FAM168A: variants seen among roughly 807,000 people sequenced by gnomAD.
The protein encoded by FAM168A is protein FAM168A.
Under a neutral mutation model 28.5 loss-of-function variants are expected in FAM168A, and 3 were observed. The observed-to-expected ratio is 0.11, with a 90% CI of 0.05 to 0.27. FAM168A has a LOEUF of 0.27. Ranked by LOEUF, FAM168A falls within the 10% of genes least tolerant of loss-of-function variation. The pLI, the probability that FAM168A is intolerant of heterozygous loss-of-function variation, is 1.00. For synonymous variants in FAM168A, 122 were observed against 124.2 expected (o/e 0.98, Z 0.12); for missense variants, 222 against 311.5 (o/e 0.71, Z 2.16).
chr11:73,428,439 T>C (rs1381774660), intron 3 of FAM168A, among the ~76,000 whole-genome samples: 1 of 152,254 alleles, frequency 6.6e-6, no homozygotes, highest in Non-Finnish European at 1.5e-5. Context: ...CTCTGGTTTC[T>C]AGCCTCACCA....
chr11:73,582,726 T>G (rs75137149), intron 1 of FAM168A, among the ~76,000 whole-genome samples: 11,053 of 152,236 alleles, frequency 0.073, 1,200 homozygotes, highest in African/African-American at 0.23. Context: ...GAGGAAACTT[T>G]GAAGCAGAAA....
At chr11:73,437,886 A>G (rs1867120445) in intron 2 of FAM168A, among the ~76,000 whole-genome samples, 1 of 152,202 alleles carries the variant, frequency 6.6e-6, no homozygotes, top group Admixed American at 6.5e-5. Flanking sequence ...CAACAGACCC[A>G]GTTCCTTCAA....
intron 1 of FAM168A, among the ~76,000 whole-genome samples, chr11:73,471,784 CT>C (rs1867817457): frequency 6.6e-6 from 1 of 152,154 alleles, no homozygotes; most frequent in South Asian, 2.1e-4. Context: ...AAAATTTCTG[CT>C]TACATGCTAG....
chr11:73,594,738 A>G (rs1435703624), intron 1 of FAM168A, among the ~76,000 whole-genome samples: 1 of 152,124 alleles, frequency 6.6e-6, no homozygotes, highest in African/African-American at 2.4e-5. Context: ...CATGTTGGCC[A>G]GGCTGATCTC....
intron 1 of FAM168A, among the ~76,000 whole-genome samples, chr11:73,547,468 GAAAA>G (rs1266878472): frequency 6.6e-6 from 1 of 151,990 alleles, no homozygotes; most frequent in Non-Finnish European, 1.5e-5. Flanking sequence ...AGTAACAAAA[GAAAA>G]AGAAAGAAAA....
At chr11:73,516,016 G>A (rs941852337) in intron 1 of FAM168A, among the ~76,000 whole-genome samples, 4 of 151,332 alleles carry the variant, frequency 2.6e-5, no homozygotes, top group East Asian at 3.9e-4. Context: ...CAGGAGAATC[G>A]CTTGAACCCA....
chr11:73,515,145 A>G (rs1044898496), intron 1 of FAM168A, among the ~76,000 whole-genome samples: 2 of 152,168 alleles, frequency 1.3e-5, no homozygotes, highest in African/African-American at 4.8e-5. Context: ...AGTGCCTAAG[A>G]TTCCTTCATT....
intron 2 of FAM168A, among the ~76,000 whole-genome samples, chr11:73,433,482 C>T (rs983635932): frequency 1.3e-5 from 2 of 151,686 alleles, no homozygotes; most frequent in African/African-American, 2.4e-5. Flanking sequence ...GAAGATTGAC[C>T]CTTACGTTTT....
At chr11:73,595,024 T>C (rs551839523) in intron 1 of FAM168A, among the ~76,000 whole-genome samples, 2 of 152,138 alleles carry the variant, frequency 1.3e-5, no homozygotes, top group East Asian at 3.9e-4. Context: ...CAAAAACACA[T>C]TACTACTACA....
intron 1 of FAM168A, among the ~76,000 whole-genome samples, chr11:73,571,100 CT>C (rs1293358946): frequency 6.6e-6 from 1 of 152,112 alleles, no homozygotes; most frequent in African/African-American, 2.4e-5. Context: ...TGACATCCCC[CT>C]GGAAAAAAAT....
At chr11:73,464,335 G>A (rs1442413338) in intron 2 of FAM168A, among the ~76,000 whole-genome samples, 8 of 138,424 alleles carry the variant, frequency 5.8e-5, no homozygotes, top group African/African-American at 1.9e-4. Context: ...GGGTGGGGGG[G>A]AAAACAAACA....
intron 1 of FAM168A, among the ~76,000 whole-genome samples, chr11:73,470,004 T>G (rs931048132): frequency 9.9e-5 from 15 of 152,096 alleles, no homozygotes; most frequent in Non-Finnish European, 1.6e-4. Context: ...CTCTGCCTCC[T>G]GGGTTCAAGC....
intron 2 of FAM168A, among the ~76,000 whole-genome samples, chr11:73,444,884 T>C (rs1377202360): frequency 6.6e-6 from 1 of 152,214 alleles, no homozygotes; most frequent in Admixed American, 6.5e-5. Flanking sequence ...TCTATGTTCT[T>C]CTCATGTCAG....
At chr11:73,490,332 T>G (rs1389216590) in intron 1 of FAM168A, among the ~76,000 whole-genome samples, 1 of 152,174 alleles carries the variant, frequency 6.6e-6, no homozygotes, top group Non-Finnish European at 1.5e-5. Flanking sequence ...TTGTCTATTC[T>G]CAACACAGCA....
chr11:73,445,419 C>CTTTTTTTTTTTTTTTTTTTTTTTTTT (rs56294455), intron 2 of FAM168A, among the ~76,000 whole-genome samples: 10 of 50,462 alleles, frequency 2.0e-4, no homozygotes, highest in African/African-American at 6.4e-4. Context: ...AAAAATGTCT[C>CTTTTTTTTTTTTTTTTTTTTTTTTTT]TTTTTTTTTT....
At chr11:73,418,867 G>A (rs1411791327) in intron 4 of FAM168A, among the ~76,000 whole-genome samples, 2 of 149,720 alleles carry the variant, frequency 1.3e-5, no homozygotes, top group Non-Finnish European at 3.0e-5. Flanking sequence ...GGAGTGCAGT[G>A]GCGTGATCTT....
intron 3 of FAM168A, among the ~76,000 whole-genome samples, chr11:73,422,159 G>A (rs1464601263): frequency 2.0e-5 from 3 of 152,150 alleles, no homozygotes; most frequent in Non-Finnish European, 2.9e-5. Context: ...ACAGCCACAC[G>A]CCAACCAGGG....
intron 1 of FAM168A, among the ~76,000 whole-genome samples, chr11:73,566,680 A>C (rs1944023856): frequency 6.6e-6 from 1 of 152,248 alleles, no homozygotes; most frequent in Non-Finnish European, 1.5e-5. Context: ...TTCAAGTCCC[A>C]GTCTGTCATA....
At chr11:73,589,495 G>GA (rs780232062) in intron 1 of FAM168A, among the ~76,000 whole-genome samples, 360 of 64,486 alleles carry the variant, frequency 5.6e-3, no homozygotes, top group Middle Eastern at 0.022. Context: ...CTGATAAGCT[G>GA]AAAAAAAAAA....
Sources: gnomAD v4.1 joint callset for allele counts (sites outside exome capture counted in the v4.1 genomes callset) on GRCh38, gnomAD v4.1.1 for gene constraint, MANE v1.5 for transcripts, NCBI Gene and HGNC (gene_info 2026-07-23, HGNC 2026-07-21) for gene names.